Variants in WIPF1 observed in about 807,000 individuals in gnomAD.
WIPF1 encodes WAS/WASL-interacting protein family member 1.
In WIPF1, 13 loss-of-function variants were observed where a neutral mutation model predicts 35.4. The observed-to-expected ratio is 0.37, with a 90% CI of 0.24 to 0.58. The LOEUF (loss-of-function observed/expected upper bound fraction) is 0.58, where lower values mean the gene tolerates loss of function less well. Ranked by LOEUF, WIPF1 falls within the 20% of genes least tolerant of loss-of-function variation. The probability of loss-of-function intolerance (pLI) is 0.74; values close to 1 mark genes in which losing one functional copy is unlikely to be tolerated. For missense variants in WIPF1, 591 were observed against 667.0 expected (o/e 0.89, Z 1.25); for synonymous variants, 267 against 266.3 (o/e 1.00, Z -0.02).
chr2:174,587,166 C>T (rs1421792261), intron 1 of WIPF1, among the ~76,000 whole-genome samples: 5 of 151,956 alleles, frequency 3.3e-5, no homozygotes, highest in African/African-American at 1.2e-4. Context: ...TATGCCACCA[C>T]GCCTGGCTAA....
chr2:174,573,253 G>C (rs1684932621), intron 4 of WIPF1, among the ~76,000 whole-genome samples: 1 of 133,578 alleles, frequency 7.5e-6, no homozygotes, highest in African/African-American at 2.8e-5. Flanking sequence ...AGAATCTCTT[G>C]GAACTCAAGG....
At chr2:174,615,759 TA>T (rs1686489804) in intron 1 of WIPF1, among the ~76,000 whole-genome samples, 1 of 152,240 alleles carries the variant, frequency 6.6e-6, no homozygotes, top group Non-Finnish European at 1.5e-5. Flanking sequence ...GGAATTCTTA[TA>T]AAGAGAAGAG....
intron 2 of WIPF1, among the ~76,000 whole-genome samples, chr2:174,581,749 A>G (rs1574804048): frequency 6.6e-6 from 1 of 152,232 alleles, no homozygotes; most frequent in Admixed American, 6.5e-5. Context: ...ACTAGACACG[A>G]GAAAAGAATT....
rs527434921 is a variant in WIPF1 at position 174,607,185 on chromosome 2, C to T, written c.-38-21574G>A. 1.6e-4 allele frequency among the ~76,000 whole-genome samples: 25 copies of T among 152,206 alleles called. 1 individual carries two copies. The South Asian group carries it at 2.9e-3, about 18-fold the overall frequency. On this transcript the variant is annotated intron_variant, in intron 1 of 8. Transcript: ENST00000272746. The stretch of plus-strand genomic sequence containing the variant: ...TTGGGAGGCTGAGGCAGGCGGATCA[C>T]GAGGGCAGGAGATCGAGACCATCCT...
At chr2:174,664,608 G>C (rs774919409) in intron 1 of WIPF1, among the ~76,000 whole-genome samples, 3 of 152,142 alleles carry the variant, frequency 2.0e-5, no homozygotes, top group South Asian at 4.1e-4. Context: ...GGCCAGTGTC[G>C]GGCTCGGCCC....
intron 1 of WIPF1, among the ~76,000 whole-genome samples, chr2:174,591,931 C>T (rs1164679025): frequency 6.6e-6 from 1 of 152,212 alleles, no homozygotes; most frequent in Non-Finnish European, 1.5e-5. Flanking sequence ...GAGAACTGCT[C>T]AGCCCACTCC....
At chr2:174,566,911 T>C in intron 7 of WIPF1, 159 bp downstream of exon 7, 2 of 605,346 alleles carry the variant, frequency 3.3e-6, no homozygotes, top group Admixed American at 6.3e-5. Flanking sequence ...CATCTGCAAT[T>C]TCCTCACTGC....
chr2:174,629,692 G>A (rs1686956377), intron 1 of WIPF1: 1 of 152,302 alleles, frequency 6.6e-6, no homozygotes, highest in African/African-American at 2.4e-5. Context: ...CAGGGAGGAG[G>A]CGGAGGTGGA....
At chr2:174,615,717 T>G (rs1032544883) in intron 1 of WIPF1, among the ~76,000 whole-genome samples, 3 of 152,180 alleles carry the variant, frequency 2.0e-5, no homozygotes, top group African/African-American at 7.2e-5. Context: ...TATCAAAGAT[T>G]AAGTGGAAAT....
intron 1 of WIPF1, among the ~76,000 whole-genome samples, chr2:174,591,681 C>CACACAT (rs1385883925): frequency 6.6e-6 from 1 of 151,606 alleles, no homozygotes; most frequent in African/African-American, 2.4e-5. Flanking sequence ...CTTACACACA[C>CACACAT]ACACACACAC....
At chr2:174,596,879 TTTTTAATG>T (rs1685838238) in intron 1 of WIPF1, among the ~76,000 whole-genome samples, 1 of 152,216 alleles carries the variant, frequency 6.6e-6, no homozygotes, top group Admixed American at 6.5e-5. Flanking sequence ...AGAAAAAAGT[TTTTTAATG>T]TAAAAAGTTT....
chr2:174,559,955 C>T lies in WIPF1; in HGVS notation c.*2592G>A, dbSNP rs1684441767. On this transcript the variant is annotated 3_prime_UTR_variant, in exon 8 of 8. Transcript: ENST00000679041. ...AGGCACCATTGGATTAAACATTTCT[C>T]CTGGCTTTTACTAAATAAAATGCAT... 6.6e-6 allele frequency: 1 copy of T among 152,566 alleles called. No individual in the cohort carries two copies. The highest frequency in any genetic ancestry group is 2.1e-4 in the South Asian group (1 of 4,828). 9.5% of individuals were successfully genotyped at this position (152,566 alleles called of 1,614,324 possible).
intron 1 of WIPF1, among the ~76,000 whole-genome samples, chr2:174,608,035 G>A (rs1225449484): frequency 6.6e-6 from 1 of 152,164 alleles, no homozygotes; most frequent in Admixed American, 6.5e-5. Context: ...GGAGGCTCTT[G>A]CTTCTCCCAA....
intron 1 of WIPF1, among the ~76,000 whole-genome samples, chr2:174,638,068 AT>A (rs887043547): frequency 6.6e-6 from 1 of 151,918 alleles, no homozygotes; most frequent in African/African-American, 2.4e-5. Flanking sequence ...ATTTTCACTG[AT>A]TTTTTTTCCC....
intron 1 of WIPF1, among the ~76,000 whole-genome samples, chr2:174,624,023 A>T (rs1428076658): frequency 1.3e-5 from 2 of 151,956 alleles, no homozygotes; most frequent in Non-Finnish European, 2.9e-5. Context: ...AAAGATTCTT[A>T]AAAAAAGAAA....
chr2:174,580,257 C>T (rs1383423183), intron 3 of WIPF1, among the ~76,000 whole-genome samples: 1 of 152,110 alleles, frequency 6.6e-6, no homozygotes, highest in East Asian at 1.9e-4. Context: ...GGCCATAGTT[C>T]CTTTTTGAAA....
intron 1 of WIPF1, among the ~76,000 whole-genome samples, chr2:174,654,968 C>G (rs1414627240): frequency 6.6e-6 from 1 of 152,156 alleles, no homozygotes; most frequent in East Asian, 1.9e-4. Context: ...CATATTAGTC[C>G]TGAAAAAGGT....
intron 1 of WIPF1, among the ~76,000 whole-genome samples, chr2:174,625,230 G>A (rs1473231798): frequency 6.6e-6 from 1 of 152,188 alleles, no homozygotes; most frequent in Non-Finnish European, 1.5e-5. Flanking sequence ...CATACCACCC[G>A]AGTAGCCTCA....
chr2:174,664,608 G>A (rs774919409), intron 1 of WIPF1, among the ~76,000 whole-genome samples: 26 of 152,142 alleles, frequency 1.7e-4, no homozygotes, highest in African/African-American at 3.6e-4. Context: ...GGCCAGTGTC[G>A]GGCTCGGCCC....
Sources: gnomAD v4.1 joint callset for allele counts (sites outside exome capture counted in the v4.1 genomes callset) on GRCh38, gnomAD v4.1.1 for gene constraint, MANE v1.5 for transcripts, NCBI Gene and HGNC (gene_info 2026-07-23, HGNC 2026-07-21) for gene names.